Variants in ATXN1 observed in about 807,000 individuals in gnomAD.
The protein encoded by ATXN1 is ataxin 1.
In ATXN1, 8 loss-of-function variants were observed where a neutral mutation model predicts 56.4. That is an observed-to-expected ratio of 0.14 (90% CI 0.08 to 0.26). The LOEUF is 0.26. ATXN1 is among the 10% of genes least tolerant of loss of function. The pLI is 1.00. For missense variants in ATXN1, 987 were observed against 1,106.5 expected, an observed-to-expected ratio of 0.89 and a Z score of 1.53; for synonymous variants, 514 against 494.6, an observed-to-expected ratio of 1.04 and a Z score of -0.52.
At chr6:16,702,716 C>T (rs1051081389) in intron 2 of ATXN1, among the ~76,000 whole-genome samples, 2 of 152,220 alleles carry the variant, frequency 1.3e-5, no homozygotes, top group South Asian at 4.1e-4. Flanking sequence ...ATTTATGCAG[C>T]CAAAAGACAA....
chr6:16,535,802 G>A (rs745414040), intron 4 of ATXN1, among the ~76,000 whole-genome samples: 1 of 152,114 alleles, frequency 6.6e-6, no homozygotes, highest in African/African-American at 2.4e-5. Flanking sequence ...ACACAACCTC[G>A]GCTGAGGTCA....
At chr6:16,523,161 CA>C (rs755526321) in intron 4 of ATXN1, among the ~76,000 whole-genome samples, 54 of 152,152 alleles carry the variant, frequency 3.5e-4, no homozygotes, top group Non-Finnish European at 6.8e-4. Flanking sequence ...CTCAGCCTCC[CA>C]AAGTGTTGGG....
intron 6 of ATXN1, among the ~76,000 whole-genome samples, chr6:16,412,677 C>T (rs908171835): frequency 6.6e-6 from 1 of 152,184 alleles, no homozygotes; most frequent in African/African-American, 2.4e-5. Context: ...CTCACCCACA[C>T]CCTAAGAAAT....
At chr6:16,581,224 TGCGCGC>T (rs753280309) in intron 4 of ATXN1, among the ~76,000 whole-genome samples, 17 of 114,598 alleles carry the variant, frequency 1.5e-4, no homozygotes, top group African/African-American at 6.4e-4. Context: ...TGTGTGTGTG[TGCGCGC>T]GTGTGTGTGT....
At chr6:16,519,437 G>T (rs1387662957) in intron 5 of ATXN1, among the ~76,000 whole-genome samples, 1 of 152,208 alleles carries the variant, frequency 6.6e-6, no homozygotes, top group East Asian at 1.9e-4. Context: ...ACTGCAATTA[G>T]AAACTGCCTC....
chr6:16,668,643 T>C (rs1161317553), intron 2 of ATXN1, among the ~76,000 whole-genome samples: 1 of 152,046 alleles, frequency 6.6e-6, no homozygotes, highest in Non-Finnish European at 1.5e-5. Context: ...AGTAGGATAG[T>C]ATACTAACTC....
In ATXN1 at chr6:16,328,934, G is replaced by A. The variant is rs538045537; in HGVS notation, c.-160-464C>T. Among the ~76,000 whole-genome samples, 12 of 151,998 alleles carry A rather than the reference G, an allele frequency of 7.9e-5. No individual in the cohort carries two copies. Among genetic ancestry groups the A allele is most frequent in the African/African-American group, 2.4e-4 (10 of 41,452 alleles). On this transcript the variant is annotated intron_variant, in intron 6 of 7. Transcript: ENST00000436367. The surrounding 1 kb of genome is among the most constrained non-coding windows in gnomAD (Gnocchi z 6.2). ...AGAGCGACACTCTGTCTCCAAAAACGAAACAAAACAACAACAACAAAAACA... is the reference window on the plus strand; with the variant it reads ...AGAGCGACACTCTGTCTCCAAAAACAAAACAAAACAACAACAACAAAAACA...
intron 5 of ATXN1, among the ~76,000 whole-genome samples, chr6:16,507,654 T>G (rs1761005959): frequency 1.3e-5 from 2 of 152,232 alleles, no homozygotes. Flanking sequence ...TTACAAAGTT[T>G]ATTGTATCTA....
intron 4 of ATXN1, among the ~76,000 whole-genome samples, chr6:16,561,243 C>T (rs1762111352): frequency 6.6e-6 from 1 of 151,986 alleles, no homozygotes; most frequent in African/African-American, 2.4e-5. Flanking sequence ...ACACTCATTG[C>T]TATTTTCCAA....
chr6:16,649,262 C>A (rs2113828728), intron 3 of ATXN1, among the ~76,000 whole-genome samples: 1 of 151,748 alleles, frequency 6.6e-6, no homozygotes, highest in East Asian at 1.9e-4. Context: ...GGTATTTTAG[C>A]CAAACAGAAT....
At chr6:16,596,867 A>G (rs1024050647) in intron 3 of ATXN1, among the ~76,000 whole-genome samples, 6 of 152,184 alleles carry the variant, frequency 3.9e-5, no homozygotes, top group African/African-American at 7.2e-5. Flanking sequence ...AGCATTTACT[A>G]TAAGATCTTG....
At chr6:16,517,686 A>G (rs561922909) in intron 5 of ATXN1, among the ~76,000 whole-genome samples, 7 of 152,348 alleles carry the variant, frequency 4.6e-5, no homozygotes, top group African/African-American at 1.7e-4. Context: ...ACACAAGTAC[A>G]TACAAATACA....
intron 7 of ATXN1, among the ~76,000 whole-genome samples, chr6:16,318,058 A>G (rs1353372563): frequency 6.6e-6 from 1 of 152,222 alleles, no homozygotes; most frequent in Non-Finnish European, 1.5e-5. Context: ...AACACTATGC[A>G]CATACACGCA....
At chr6:16,309,762 G>T (rs868059368) in intron 7 of ATXN1, among the ~76,000 whole-genome samples, 1 of 152,112 alleles carries the variant, frequency 6.6e-6, no homozygotes, top group Non-Finnish European at 1.5e-5. Context: ...GGCTGGGTGT[G>T]GTGGCTCCTG....
chr6:16,418,235 T>G (rs919709031), intron 6 of ATXN1, among the ~76,000 whole-genome samples: 4 of 152,220 alleles, frequency 2.6e-5, no homozygotes, highest in Non-Finnish European at 5.9e-5. Context: ...CTCAAACTAT[T>G]CCCATTATAA....
At chr6:16,535,822 A>G (rs951273141) in intron 4 of ATXN1, among the ~76,000 whole-genome samples, 1 of 152,194 alleles carries the variant, frequency 6.6e-6, no homozygotes, top group Non-Finnish European at 1.5e-5. Flanking sequence ...ATCAAGATCA[A>G]CAGCCCATGA....
At chr6:16,682,022 T>C (rs571869666) in intron 2 of ATXN1, among the ~76,000 whole-genome samples, 11 of 152,214 alleles carry the variant, frequency 7.2e-5, no homozygotes, top group Admixed American at 7.2e-4. Flanking sequence ...TCAGTTAGCT[T>C]GGTTAGCCGC....
intron 6 of ATXN1, among the ~76,000 whole-genome samples, chr6:16,433,373 G>T (rs369492943): frequency 6.6e-6 from 1 of 152,088 alleles, no homozygotes; most frequent in African/African-American, 2.4e-5. Context: ...CACCTGGACC[G>T]CAACAGAAAC....
At chr6:16,454,842 T>G (rs56011259) in intron 6 of ATXN1, among the ~76,000 whole-genome samples, 177 of 152,330 alleles carry the variant, frequency 1.2e-3, no homozygotes, top group African/African-American at 4.1e-3. Context: ...TTTCTTAATC[T>G]TATCACCAGT....
Sources: gnomAD v4.1 joint callset for allele counts (sites outside exome capture counted in the v4.1 genomes callset) on GRCh38, gnomAD v4.1.1 for gene constraint, Gnocchi (gnomAD v3.1) non-coding constraint, MANE v1.5 for transcripts, NCBI Gene and HGNC (gene_info 2026-07-23, HGNC 2026-07-21) for gene names.